Variants in IL1RAPL2 observed in about 807,000 individuals in gnomAD.
IL1RAPL2 encodes X-linked interleukin-1 receptor accessory protein-like 2.
IL1RAPL2 carries 3 observed loss-of-function variants against 44.1 expected under a neutral mutation model. The observed-to-expected ratio is 0.07, with a 90% confidence interval of 0.03 to 0.18. IL1RAPL2 has a LOEUF of 0.18. Ranked by LOEUF, IL1RAPL2 falls within the 10% of genes least tolerant of loss-of-function variation. The pLI is 1.00. For synonymous variants in IL1RAPL2, 181 were observed against 178.8 expected (o/e 1.01, Z -0.10); for missense variants, 391 against 496.4 (o/e 0.79, Z 2.02).
rs542510697 is a variant in IL1RAPL2 at position 104,721,633 on chromosome X, T to G, written c.82+62638T>G. Among the ~76,000 whole-genome samples the G allele has an allele frequency of 2.7e-5, 3 of 110,151 alleles. No individual in the cohort carries two copies. In the East Asian group the frequency reaches 8.6e-4, roughly 32 times the overall value. On this transcript the variant is annotated intron_variant, in intron 2 of 10. Coordinates refer to ENST00000372582, the MANE Select transcript of IL1RAPL2 (RefSeq NM_017416.2). ...TACAGCAAACCACCATGACATACGT[T>G]TACTGATGTAACAAACCTGCACGTC...
rs782772857 is a variant in IL1RAPL2, at chrX:105,187,561, G to GA, written c.83-7910dup. Among the ~76,000 whole-genome samples the GA allele has an allele frequency of 2.7e-5, 3 of 112,004 alleles. No homozygotes were observed. In the East Asian group the frequency reaches 8.4e-4, roughly 31 times the overall value. Reference sequence around the variant, plus strand: ...AATACTATTCAGCCTTTAAAAAGTAGAAAATCTTGTTATTTGCTTCAACAT... The same window carrying GA: ...AATACTATTCAGCCTTTAAAAAGTAGAAAAATCTTGTTATTTGCTTCAACAT... On this transcript the variant is annotated intron_variant, in intron 2 of 10. Transcript: ENST00000372582.
At chrX:105,245,811 GATTA>G (rs2034214365) in intron 4 of IL1RAPL2, among the ~76,000 whole-genome samples, 1 of 112,460 alleles carries the variant, frequency 8.9e-6, no homozygotes, top group Non-Finnish European at 1.9e-5. Flanking sequence ...TCATCTATGT[GATTA>G]GTTACCTCAG....
At chrX:105,406,497 G>T in intron 5 of IL1RAPL2, 1 of 1,202,625 alleles carries the variant, frequency 8.3e-7, no homozygotes, top group South Asian at 1.8e-5. Flanking sequence ...GAATTTGTCC[G>T]ATTTTTTGCT....
At chrX:105,589,451 G>T (rs1252043529) in intron 6 of IL1RAPL2, among the ~76,000 whole-genome samples, 2 of 111,077 alleles carry the variant, frequency 1.8e-5, no homozygotes, top group Non-Finnish European at 3.8e-5. Context: ...ATTGTTGCCA[G>T]GGCCTACATT....
At chrX:104,902,062 C>A (rs1177235220) in intron 2 of IL1RAPL2, among the ~76,000 whole-genome samples, 3 of 111,887 alleles carry the variant, frequency 2.7e-5, no homozygotes, top group Non-Finnish European at 5.6e-5. Flanking sequence ...CTGTTTGTTT[C>A]TATCAGCAGA....
At chrX:104,891,156 A>G (rs1169772522) in intron 2 of IL1RAPL2, among the ~76,000 whole-genome samples, 2 of 111,181 alleles carry the variant, frequency 1.8e-5, no homozygotes, top group African/African-American at 3.3e-5. Context: ...CCACTTCTCT[A>G]TATCTCTGTT....
At chrX:105,522,727 G>A (rs954628611) in intron 6 of IL1RAPL2, among the ~76,000 whole-genome samples, 2 of 111,891 alleles carry the variant, frequency 1.8e-5, no homozygotes, top group Non-Finnish European at 3.8e-5. Flanking sequence ...AAAAGTTTAC[G>A]TATTTTATTT....
intron 5 of IL1RAPL2, among the ~76,000 whole-genome samples, chrX:105,270,277 G>C (rs372228951): frequency 9.0e-6 from 1 of 111,524 alleles, no homozygotes; most frequent in East Asian, 2.8e-4. Context: ...TATTTTGTGA[G>C]TATGTTAGTT....
intron 6 of IL1RAPL2, among the ~76,000 whole-genome samples, chrX:105,532,005 T>C (rs1184063074): frequency 1.8e-5 from 2 of 111,888 alleles, no homozygotes; most frequent in Non-Finnish European, 3.8e-5. Context: ...CTCCAGTTTT[T>C]TGAAATTCCT....
At chrX:104,862,523 A>T (rs770273209) in intron 2 of IL1RAPL2, among the ~76,000 whole-genome samples, 135 of 110,594 alleles carry the variant, frequency 1.2e-3, no homozygotes, top group African/African-American at 4.2e-3. Flanking sequence ...ACATAGGAAA[A>T]AGACTTCTAC....
chrX:105,034,528 G>A (rs1602907012), intron 2 of IL1RAPL2, among the ~76,000 whole-genome samples: 2 of 112,284 alleles, frequency 1.8e-5, no homozygotes, highest in Admixed American at 9.4e-5. Context: ...AGCGGTGGCT[G>A]CAGAACAGCG....
intron 2 of IL1RAPL2, among the ~76,000 whole-genome samples, chrX:105,128,214 G>T (rs2032993383): frequency 9.1e-6 from 1 of 109,878 alleles, no homozygotes. Context: ...TCTCCTCTTT[G>T]CCTTAAGACT....
intron 6 of IL1RAPL2, among the ~76,000 whole-genome samples, chrX:105,534,905 A>T (rs1413605351): frequency 8.9e-6 from 1 of 112,092 alleles, no homozygotes; most frequent in East Asian, 2.8e-4. Context: ...ACAAAAACAT[A>T]AAAGTGTCAA....
intron 5 of IL1RAPL2, among the ~76,000 whole-genome samples, chrX:105,307,092 C>T (rs1032410724): frequency 1.9e-4 from 21 of 108,072 alleles, no homozygotes; most frequent in Non-Finnish European, 3.4e-4. Flanking sequence ...TTTATAAAAC[C>T]ATCAGATCTC....
At chrX:104,822,797 G>T (rs972578227) in intron 2 of IL1RAPL2, among the ~76,000 whole-genome samples, 2 of 110,695 alleles carry the variant, frequency 1.8e-5, no homozygotes, top group African/African-American at 6.6e-5. Flanking sequence ...TGTGCAGAAA[G>T]TCAGTGTTAG....
chrX:104,808,487 G>C (rs1449707741), intron 2 of IL1RAPL2, among the ~76,000 whole-genome samples: 1 of 111,278 alleles, frequency 9.0e-6, no homozygotes, highest in Non-Finnish European at 1.9e-5. Context: ...AGACTTTTGA[G>C]CAGGATTGAG....
intron 1 of IL1RAPL2, among the ~76,000 whole-genome samples, chrX:104,658,632 T>A (rs1477858762): frequency 2.7e-5 from 3 of 112,253 alleles, no homozygotes; most frequent in Admixed American, 1.9e-4. Flanking sequence ...TACAAAAAAA[T>A]TGAAAAAGAA....
At chrX:105,243,110 A>C (rs2147642123) in intron 4 of IL1RAPL2, among the ~76,000 whole-genome samples, 1 of 110,208 alleles carries the variant, frequency 9.1e-6, no homozygotes, top group South Asian at 4.0e-4. Flanking sequence ...AAAAAAAAAT[A>C]ATAATGGTGA....
chrX:105,024,925 A>T (rs778164318), intron 2 of IL1RAPL2, among the ~76,000 whole-genome samples: 3 of 101,577 alleles, frequency 3.0e-5, no homozygotes, highest in Admixed American at 1.1e-4. Flanking sequence ...TTCTTGATTA[A>T]TTTTTTTTTT....
Sources: gnomAD v4.1 joint callset for allele counts (sites outside exome capture counted in the v4.1 genomes callset) on GRCh38, gnomAD v4.1.1 for gene constraint, MANE v1.5 for transcripts, NCBI Gene and HGNC (gene_info 2026-07-23, HGNC 2026-07-21) for gene names.